Variants in DGKH observed in about 807,000 individuals in gnomAD.
DGKH encodes diacylglycerol kinase eta, also known as DAG kinase eta.
DGKH carries 90 observed loss-of-function variants against 159.3 expected under a neutral mutation model. That is an observed-to-expected ratio of 0.57 (90% CI 0.48 to 0.67). DGKH has a LOEUF of 0.67. Ranked by LOEUF, DGKH falls within the 30% of genes least tolerant of loss-of-function variation. DGKH has a pLI of 0.00. For missense variants in DGKH, 1,181 were observed against 1,506.1 expected (o/e 0.78, Z 3.57); for synonymous variants, 536 against 553.8 (o/e 0.97, Z 0.45).
intron 29 of DGKH, among the ~76,000 whole-genome samples, chr13:42,251,930 A>C (rs990083545): frequency 1.3e-5 from 2 of 152,216 alleles, no homozygotes; most frequent in African/African-American, 4.8e-5. Flanking sequence ...TGTATTATTC[A>C]TCCTGTCCTC....
At chr13:42,222,787 A>G (rs1478745354) in intron 29 of DGKH, among the ~76,000 whole-genome samples, 1 of 152,208 alleles carries the variant, frequency 6.6e-6, no homozygotes, top group Admixed American at 6.5e-5. Context: ...GTGTGTATGT[A>G]TAAAAAATAT....
intron 29 of DGKH, among the ~76,000 whole-genome samples, chr13:42,224,900 A>AT (rs1211982146): frequency 1.4e-4 from 20 of 146,862 alleles, no homozygotes; most frequent in Admixed American, 4.7e-4. Flanking sequence ...AAAGGAAAAA[A>AT]AAAATATATA....
At chr13:42,174,369 G>A (rs1191392170) in intron 12 of DGKH, among the ~76,000 whole-genome samples, 1 of 152,124 alleles carries the variant, frequency 6.6e-6, no homozygotes, top group Non-Finnish European at 1.5e-5. Context: ...CACCGGGAGT[G>A]CCCAGTCACT....
upstream of DGKH, chr13:42,048,617 C>T (rs905023099): frequency 1.0e-6 from 1 of 992,380 alleles, no homozygotes; most frequent in Non-Finnish European, 1.3e-6. The surrounding 1 kb of genome is among the most constrained non-coding windows in gnomAD (Gnocchi z 6.7). Flanking sequence ...GGCGCCTGCC[C>T]CGGGCGACCC....
chr13:42,214,358 C>T, intron 24 of DGKH, 149 bp from the exon 25 acceptor site: 1 of 555,036 alleles, frequency 1.8e-6, no homozygotes, highest in Non-Finnish European at 3.0e-6. Context: ...CTACCTGTGC[C>T]ATTCATAATT....
intron 30 of DGKH, chr13:42,255,853 T>G (rs1446614851): frequency 1.2e-6 from 1 of 862,666 alleles, no homozygotes; most frequent in Non-Finnish European, 1.8e-6. Context: ...CATTTTTATC[T>G]TCAAAAAAGA....
At chr13:42,206,248 T>C in intron 21 of DGKH, 102 bp downstream of exon 21, 1 of 652,886 alleles carries the variant, frequency 1.5e-6, no homozygotes, top group Non-Finnish European at 2.3e-6. Context: ...TAATTTCATG[T>C]TAAATATTTT....
intron 13 of DGKH, among the ~76,000 whole-genome samples, chr13:42,180,695 C>T (rs1463117597): frequency 6.6e-6 from 1 of 152,164 alleles, no homozygotes; most frequent in Non-Finnish European, 1.5e-5. Flanking sequence ...AGCATCCCTC[C>T]TGTCACTCAC....
rs625983 is a variant in DGKH at position 42,109,652 on chromosome 13, C to G, written c.193-17811C>G. 3.6e-3 allele frequency among the ~76,000 whole-genome samples: 67 copies of G among 18,800 alleles called. 1 individual carries two copies. The highest frequency in any genetic ancestry group is 0.023 in the African/African-American group (40 of 1,746). The allele number at this position is 18,800 out of a possible 152,430, so 12.3% of individuals were successfully genotyped here. ...CCCATGTGCAGCTGTGCGTGCGTGC[C>G]TGTGCGTGCGTGTGTGTGCGTGTGT... On this transcript the variant is annotated intron_variant, in intron 1 of 29. Transcript: ENST00000337343.
chr13:42,126,307 C>T (rs1359753207), intron 1 of DGKH, among the ~76,000 whole-genome samples: 1 of 152,072 alleles, frequency 6.6e-6, no homozygotes, highest in Admixed American at 6.5e-5. Context: ...GGTGAGCAAG[C>T]ACAAGTTTCA....
At chr13:42,163,617 A>G (rs1429294261) in intron 7 of DGKH, among the ~76,000 whole-genome samples, 6 of 152,146 alleles carry the variant, frequency 3.9e-5, no homozygotes, top group East Asian at 1.9e-4. Flanking sequence ...GGCCAGTGAT[A>G]GTGAGCATTT....
At chr13:42,113,724 A>G (rs147351158) in intron 1 of DGKH, among the ~76,000 whole-genome samples, 111 of 152,326 alleles carry the variant, frequency 7.3e-4, no homozygotes, top group African/African-American at 2.6e-3. Flanking sequence ...TTCCAGACCC[A>G]CGGGAGGAGG....
chr13:42,133,041 C>T (rs1462098356), intron 3 of DGKH, among the ~76,000 whole-genome samples: 1 of 151,856 alleles, frequency 6.6e-6, no homozygotes, highest in Non-Finnish European at 1.5e-5. Flanking sequence ...CATGGTGCCA[C>T]GTGCCTGTAG....
intron 3 of DGKH, among the ~76,000 whole-genome samples, chr13:42,147,969 G>T (rs1037532878): frequency 6.6e-6 from 1 of 152,104 alleles, no homozygotes; most frequent in Non-Finnish European, 1.5e-5. Flanking sequence ...GCATAGTAAG[G>T]TATAAGGCTG....
At chr13:42,172,351 C>T (rs1956481515) in intron 11 of DGKH, among the ~76,000 whole-genome samples, 1 of 152,036 alleles carries the variant, frequency 6.6e-6, no homozygotes, top group Non-Finnish European at 1.5e-5. Flanking sequence ...ACCTCTTGAC[C>T]TCGTGATCTG....
At chr13:42,083,633 T>C (rs1279868331) in intron 1 of DGKH, among the ~76,000 whole-genome samples, 1 of 152,182 alleles carries the variant, frequency 6.6e-6, no homozygotes, top group Non-Finnish European at 1.5e-5. Flanking sequence ...CGGGTTGGAC[T>C]GGGCTTCTGT....
upstream of DGKH, among the ~76,000 whole-genome samples, chr13:42,044,705 A>T (rs1279180252): frequency 6.6e-6 from 1 of 152,226 alleles, no homozygotes; most frequent in East Asian, 1.9e-4. Context: ...CAGCCTTAGC[A>T]TTCTGGGGAA....
chr13:42,136,032 G>A (rs1486622983), intron 3 of DGKH, among the ~76,000 whole-genome samples: 1 of 152,194 alleles, frequency 6.6e-6, no homozygotes, highest in Non-Finnish European at 1.5e-5. Context: ...ATGTGACCTT[G>A]GACAAATGGG....
chr13:42,069,943 C>CTTGGATTAAGCTGAACTTCAT (rs1180467061), intron 1 of DGKH: 7 of 727,114 alleles, frequency 9.6e-6, no homozygotes, highest in Non-Finnish European at 1.7e-5. Flanking sequence ...AGACAGAGCT[C>CTTGGATTAAGCTGAACTTCAT]TTGGATTAAG....
Sources: gnomAD v4.1 joint callset for allele counts (sites outside exome capture counted in the v4.1 genomes callset) on GRCh38, gnomAD v4.1.1 for gene constraint, Gnocchi (gnomAD v3.1) non-coding constraint, MANE v1.5 for transcripts, NCBI Gene and HGNC (gene_info 2026-07-23, HGNC 2026-07-21) for gene names.